Variants in SENP7 observed in about 807,000 individuals in gnomAD.
SENP7 encodes the protein sentrin-specific protease 7.
SENP7 carries 64 observed loss-of-function variants against 141.2 expected under a neutral mutation model. The observed-to-expected ratio is 0.45, with a 90% CI of 0.37 to 0.56. The LOEUF (loss-of-function observed/expected upper bound fraction) is 0.56. Among genes scored for constraint, SENP7 ranks in the 20% least tolerant of loss-of-function variants. The probability of loss-of-function intolerance (pLI) is 0.00; values close to 1 mark genes in which losing one functional copy is unlikely to be tolerated. For missense variants in SENP7, 1,025 were observed against 1,212.2 expected (o/e 0.85, Z 2.29); for synonymous variants, 382 against 426.4 (o/e 0.90, Z 1.28).
chr3:101,495,230 T>C (rs1280598266), intron 2 of SENP7, among the ~76,000 whole-genome samples: 1 of 151,858 alleles, frequency 6.6e-6, no homozygotes, highest in Non-Finnish European at 1.5e-5. Context: ...GAATGGCTAT[T>C]ATTAAAAAGT....
intron 5 of SENP7, 56 bp downstream of exon 5, chr3:101,417,537 G>T: frequency 3.0e-6 from 4 of 1,353,578 alleles, no homozygotes; most frequent in South Asian, 2.3e-5. Context: ...AGGAGTACGG[G>T]ATTCATATTA....
intron 6 of SENP7, among the ~76,000 whole-genome samples, chr3:101,397,330 A>G (rs1451705549): frequency 1.3e-5 from 2 of 151,688 alleles, no homozygotes; most frequent in Non-Finnish European, 2.9e-5. Flanking sequence ...ACAAGATCTC[A>G]CTATGCCTCC....
chr3:101,405,175 T>G (rs2061262901), intron 5 of SENP7, among the ~76,000 whole-genome samples: 1 of 151,984 alleles, frequency 6.6e-6, no homozygotes, highest in Admixed American at 6.6e-5. Context: ...GGAAGCAGAG[T>G]ACACCAGCAT....
At chr3:101,344,544 G>T (rs1318796498) in intron 13 of SENP7, among the ~76,000 whole-genome samples, 1 of 152,148 alleles carries the variant, frequency 6.6e-6, no homozygotes, top group African/African-American at 2.4e-5. Context: ...GTAGGAAAAA[G>T]GTAGAGGGAT....
intron 5 of SENP7, among the ~76,000 whole-genome samples, chr3:101,409,664 A>G (rs2061399855): frequency 6.6e-6 from 1 of 152,192 alleles, no homozygotes; most frequent in Admixed American, 6.5e-5. Context: ...TTGACAAAGC[A>G]AACAAAAACA....
intron 13 of SENP7, among the ~76,000 whole-genome samples, chr3:101,345,523 G>A (rs2059433987): frequency 6.6e-6 from 1 of 152,224 alleles, no homozygotes; most frequent in South Asian, 2.1e-4. Context: ...TTGAGTTCTT[G>A]ATTTGATTCT....
In SENP7 at chr3:101,383,662, G is replaced by A. The variant is rs564587205; in HGVS notation, c.678-11536C>T. Among the ~76,000 whole-genome samples, 13 of 152,318 alleles carry A rather than the reference G, an allele frequency of 8.5e-5. No homozygotes were observed. In the South Asian group the frequency reaches 1.2e-3, roughly 15 times the overall value. On this transcript the variant is annotated intron_variant, in intron 6 of 23. Coordinates refer to ENST00000394095, the MANE Select transcript of SENP7 (RefSeq NM_020654.5). ...AACCTGGCCAGGTGTACACATGCTC[G>A]GGTACACGCCAGCCCCCTGCCACCT...
chr3:101,471,946 A>C (rs1172768794), intron 3 of SENP7, among the ~76,000 whole-genome samples: 2 of 152,246 alleles, frequency 1.3e-5, no homozygotes, highest in Non-Finnish European at 2.9e-5. Context: ...TCAAAACCAC[A>C]ATGAGATACC....
At chr3:101,449,046 T>G (rs1195780339) in intron 4 of SENP7, among the ~76,000 whole-genome samples, 2 of 151,900 alleles carry the variant, frequency 1.3e-5, no homozygotes, top group African/African-American at 4.8e-5. Context: ...GTGATGGAGC[T>G]GAAAACCAAG....
intron 11 of SENP7, among the ~76,000 whole-genome samples, chr3:101,354,660 T>C (rs1318267101): frequency 6.6e-6 from 1 of 152,110 alleles, no homozygotes; most frequent in Admixed American, 6.6e-5. Flanking sequence ...GGCACTTAGG[T>C]TGATTCCATA....
intron 4 of SENP7, among the ~76,000 whole-genome samples, chr3:101,427,620 G>A (rs1220199574): frequency 6.6e-6 from 1 of 151,730 alleles, no homozygotes; most frequent in East Asian, 1.9e-4. Context: ...CTTTCATTCA[G>A]GTACAATGCA....
At chr3:101,330,488 C>A in intron 19 of SENP7, 102 bp from the exon 20 acceptor site, 1 of 634,082 alleles carries the variant, frequency 1.6e-6, no homozygotes, top group Non-Finnish European at 2.7e-6. Context: ...TTACTGGATG[C>A]ACAGTAAAAA....
chr3:101,449,273 T>C (rs964229968), intron 4 of SENP7, among the ~76,000 whole-genome samples: 5 of 152,132 alleles, frequency 3.3e-5, no homozygotes, highest in Non-Finnish European at 5.9e-5. Context: ...ACGGAGAGAA[T>C]GGAACCAAGT....
At position 101,327,776 on chromosome 3, in the gene SENP7, G is replaced by A; in HGVS notation, c.2905C>T (p.Arg969Cys). 3 of 1,610,286 alleles carry A rather than the reference G, an allele frequency of 1.9e-6. No individual in the cohort carries two copies. Among genetic ancestry groups the A allele is most frequent in the South Asian group, 1.1e-5 (1 of 90,696 alleles). The change falls in exon 23 of 24, where the codon CGT (arginine) becomes TGT (cysteine). Residue 969 changes from arginine (R) to cysteine (C), a missense_variant. By Grantham distance (180) the Arg-to-Cys change is radical. Transcript: ENST00000394095. The stretch of plus-strand genomic sequence containing the variant: ...ACCATGTTTGTTTTGCTGAATTGAC[G>A]ATGAGTTTTTAGTTTAACTTCCCAC... The part of the protein sequence containing the change: ...VEWEVKLKTH[R>C]QFSKTNMVDL...
intron 5 of SENP7, among the ~76,000 whole-genome samples, chr3:101,411,060 C>G (rs961591330): frequency 5.9e-5 from 9 of 152,006 alleles, no homozygotes; most frequent in Non-Finnish European, 1.2e-4. Context: ...CACCTTATAA[C>G]TATAAATCCT....
At chr3:101,404,882 T>A (rs1327915604) in intron 5 of SENP7, among the ~76,000 whole-genome samples, 1 of 151,850 alleles carries the variant, frequency 6.6e-6, no homozygotes, top group Non-Finnish European at 1.5e-5. Context: ...AGACGCACAG[T>A]GAGAAAACAA....
chr3:101,342,316 T>C (rs999783571), intron 14 of SENP7, among the ~76,000 whole-genome samples: 1 of 152,186 alleles, frequency 6.6e-6, no homozygotes, highest in African/African-American at 2.4e-5. Flanking sequence ...TATATATGAG[T>C]ATGCCATAGC....
At chr3:101,442,378 T>C (rs555497119) in intron 4 of SENP7, among the ~76,000 whole-genome samples, 1 of 152,282 alleles carries the variant, frequency 6.6e-6, no homozygotes, top group Non-Finnish European at 1.5e-5. Flanking sequence ...AGGCATGAGA[T>C]TCTCACTAGG....
Position 101,506,883 on chromosome 3 carries a change from T to C in SENP7, c.41-5764A>G, listed in dbSNP as rs186329517. ...GCCCAGGTAACACAGTGAGACACCA[T>C]CTCTAGAAAAACTAAGTTTTTTTAA... is the stretch of plus-strand genomic sequence containing the variant. On this transcript the variant is annotated intron_variant, in intron 1 of 23. Transcript: ENST00000394095. 4.9e-4 allele frequency among the ~76,000 whole-genome samples: 74 copies of C among 152,092 alleles called. No individual in the cohort carries two copies. In the East Asian group the frequency reaches 0.013, roughly 26 times the overall value.
Sources: allele counts gnomAD v4.1 joint callset (sites outside exome capture counted in the v4.1 genomes callset), GRCh38; gene constraint gnomAD v4.1.1; transcripts MANE v1.5; gene names NCBI Gene and HGNC (gene_info 2026-07-23, HGNC 2026-07-21).